Variants in ZFPM2 observed in about 807,000 individuals in gnomAD.
ZFPM2 encodes zinc finger protein ZFPM2.
Under a neutral mutation model 98.6 loss-of-function variants are expected in ZFPM2, and 20 were observed. That is an observed-to-expected ratio of 0.20 (90% CI 0.14 to 0.29). The LOEUF is 0.29. Ranked by LOEUF, ZFPM2 falls within the 10% of genes least tolerant of loss-of-function variation. The pLI is 1.00. For missense variants in ZFPM2, 1,310 were observed against 1,388.6 expected (o/e 0.94, Z 0.90); for synonymous variants, 518 against 502.7 (o/e 1.03, Z -0.41).
chr8:105,496,772 C>T (rs533601750), intron 3 of ZFPM2, among the ~76,000 whole-genome samples: 4 of 149,056 alleles, frequency 2.7e-5, no homozygotes, highest in East Asian at 2.0e-4. Flanking sequence ...CACCTGAGCC[C>T]GGGAGTTTGA....
At chr8:105,797,806 C>T (rs991151778) in intron 6 of ZFPM2, among the ~76,000 whole-genome samples, 3 of 152,232 alleles carry the variant, frequency 2.0e-5, no homozygotes, top group African/African-American at 7.2e-5. Context: ...AATCTCCTCC[C>T]TCCACTCCTG....
At chr8:105,712,272 A>C (rs2130979430) in intron 5 of ZFPM2, among the ~76,000 whole-genome samples, 1 of 152,232 alleles carries the variant, frequency 6.6e-6, no homozygotes, top group African/African-American at 2.4e-5. Context: ...ATGCAGCATA[A>C]GCATTGTCAC....
rs1034200170 is a variant in ZFPM2 at position 105,801,087 on chromosome 8, A to G, written c.1005A>G (p.Leu335=). 1.1e-5 allele frequency: 18 copies of G among 1,613,782 alleles called. No homozygotes were observed. The part of the protein sequence containing the change: ...MEEFLPPGAS[L]KCTVCSYTAD... ...AATTCCTGCCCCCTGGTGCTAGTCT[A>G]AAATGCACCGTCTGTAGCTACACTG... is the stretch of plus-strand genomic sequence containing the variant. The change falls in exon 8 of 8, where the codon CTA becomes CTG. Residue 335 remains leucine, a synonymous_variant. Transcript: ENST00000407775.
At chr8:105,346,457 A>T (rs2129688730) in intron 1 of ZFPM2, among the ~76,000 whole-genome samples, 1 of 152,268 alleles carries the variant, frequency 6.6e-6, no homozygotes, top group Admixed American at 6.5e-5. Context: ...AGCATTACAT[A>T]TGTAATTAAA....
intron 1 of ZFPM2, among the ~76,000 whole-genome samples, chr8:105,368,293 A>G (rs1026508939): frequency 3.3e-5 from 5 of 152,012 alleles, no homozygotes; most frequent in African/African-American, 1.2e-4. Context: ...ATAGTTTCAG[A>G]AGGAATGGTA....
At chr8:105,550,140 A>G (rs906103204) in intron 3 of ZFPM2, among the ~76,000 whole-genome samples, 2 of 152,110 alleles carry the variant, frequency 1.3e-5, no homozygotes, top group Non-Finnish European at 2.9e-5. Flanking sequence ...TGACACTCAC[A>G]TCATAAGCTT....
intron 3 of ZFPM2, among the ~76,000 whole-genome samples, chr8:105,493,522 T>A (rs932293683): frequency 7.2e-5 from 11 of 152,192 alleles, no homozygotes; most frequent in African/African-American, 2.4e-4. Flanking sequence ...CTTCTTTTGC[T>A]CCACCTGTGA....
intron 3 of ZFPM2, among the ~76,000 whole-genome samples, chr8:105,486,347 G>A (rs1167118373): frequency 6.6e-6 from 1 of 152,006 alleles, no homozygotes; most frequent in African/African-American, 2.4e-5. Flanking sequence ...TACCTTGTTT[G>A]TGTGTGTATG....
At chr8:105,330,862 A>G (rs1812220111) in intron 1 of ZFPM2, among the ~76,000 whole-genome samples, 1 of 150,072 alleles carries the variant, frequency 6.7e-6, no homozygotes. Flanking sequence ...TTTTCCTTGT[A>G]AAATCGCTGT....
At chr8:105,739,535 A>G (rs1418539998) in intron 5 of ZFPM2, among the ~76,000 whole-genome samples, 1 of 152,008 alleles carries the variant, frequency 6.6e-6, no homozygotes, top group Non-Finnish European at 1.5e-5. Context: ...CATATGGGGA[A>G]TGCATTCTTG....
At chr8:105,738,597 A>T (rs928536690) in intron 5 of ZFPM2, among the ~76,000 whole-genome samples, 2 of 151,996 alleles carry the variant, frequency 1.3e-5, no homozygotes, top group Non-Finnish European at 2.9e-5. Flanking sequence ...AAATCATCAC[A>T]CTGTTTTCTG....
At position 105,554,346 on chromosome 8, in the gene ZFPM2, G is replaced by T. The variant is rs552735882; in HGVS notation, c.302-7017G>T. ...ATGATCTAACCCTCTTAGGTATCTG[G>T]CAGGCAGCTGTCAAATGGTTAAACC... On this transcript the variant is annotated intron_variant, in intron 3 of 7. Coordinates refer to ENST00000407775, the MANE Select transcript of ZFPM2 (RefSeq NM_012082.4). Among the ~76,000 whole-genome samples the T allele has an allele frequency of 5.3e-5, 8 of 152,238 alleles. No homozygotes were observed. In the South Asian group the frequency reaches 8.3e-4, roughly 16 times the overall value.
intron 5 of ZFPM2, among the ~76,000 whole-genome samples, chr8:105,695,475 TA>T (rs1281335641): frequency 6.6e-6 from 1 of 151,172 alleles, no homozygotes; most frequent in Non-Finnish European, 1.5e-5. Flanking sequence ...ATCAACTCAT[TA>T]AATACTCAGT....
chr8:105,642,524 A>T (rs1292101627), intron 5 of ZFPM2, among the ~76,000 whole-genome samples: 1 of 152,180 alleles, frequency 6.6e-6, no homozygotes, highest in Non-Finnish European at 1.5e-5. Flanking sequence ...TGCCTTATCC[A>T]CAAAGTGTCC....
intron 5 of ZFPM2, among the ~76,000 whole-genome samples, chr8:105,716,100 G>A (rs1349556116): frequency 6.6e-6 from 1 of 151,124 alleles, no homozygotes; most frequent in Non-Finnish European, 1.5e-5. Context: ...ACTTCCTAAA[G>A]TATTATAGAA....
intron 1 of ZFPM2, among the ~76,000 whole-genome samples, chr8:105,338,768 C>G (rs1812370548): frequency 6.6e-6 from 1 of 151,792 alleles, no homozygotes; most frequent in Non-Finnish European, 1.5e-5. Context: ...TATGAATTTG[C>G]ATGTGTCTTA....
intron 2 of ZFPM2, 65 bp from the exon 3 acceptor site, chr8:105,444,215 G>A (rs1812321015): frequency 1.6e-6 from 2 of 1,231,044 alleles, no homozygotes; most frequent in Admixed American, 2.0e-5. Context: ...CCCTTTATGA[G>A]GGTGTGAATG....
At chr8:105,648,718 T>C (rs994331551) in intron 5 of ZFPM2, among the ~76,000 whole-genome samples, 4 of 152,212 alleles carry the variant, frequency 2.6e-5, no homozygotes, top group African/African-American at 9.7e-5. Context: ...GAGGGCTCTG[T>C]TCTGTTCCAT....
At chr8:105,785,878 TAAAAATACA>T (rs1813400206) in intron 5 of ZFPM2, among the ~76,000 whole-genome samples, 1 of 151,796 alleles carries the variant, frequency 6.6e-6, no homozygotes, top group Non-Finnish European at 1.5e-5. Context: ...CCATCTCTAC[TAAAAATACA>T]AAAAATTAGC....
Sources: allele counts gnomAD v4.1 joint callset (sites outside exome capture counted in the v4.1 genomes callset), GRCh38; gene constraint gnomAD v4.1.1; transcripts MANE v1.5; gene names NCBI Gene and HGNC (gene_info 2026-07-23, HGNC 2026-07-21).